Variants in SAXO1 observed in about 807,000 individuals in gnomAD.
SAXO1 encodes 4930500O09Rik.
A neutral mutation model predicts 17.5 loss-of-function variants in SAXO1; 21 were observed. That is an observed-to-expected ratio of 1.20 (90% CI 0.85 to 1.72). The LOEUF (loss-of-function observed/expected upper bound fraction) is 1.72. Ranked by LOEUF, SAXO1 falls within the 40% of genes most tolerant of loss-of-function variation. SAXO1 has a pLI of 0.00. For synonymous variants in SAXO1, 274 were observed against 216.5 expected (o/e 1.27, Z -2.33); for missense variants, 843 against 596.0 (o/e 1.41, Z -4.32).
chr9:19,033,719 A>T (rs1159987039), upstream of SAXO1, among the ~76,000 whole-genome samples: 1 of 152,230 alleles, frequency 6.6e-6, no homozygotes, highest in Non-Finnish European at 1.5e-5. Context: ...GATGCTGGTA[A>T]TGATGCCTTG....
At chr9:18,971,025 T>G (rs1461012279) in intron 1 of SAXO1, among the ~76,000 whole-genome samples, 1 of 151,992 alleles carries the variant, frequency 6.6e-6, no homozygotes, top group Non-Finnish European at 1.5e-5. Flanking sequence ...GATAAATGGG[T>G]TCCCTGGGTT....
chr9:19,038,829 T>C (rs1379885243), intron 1 of SAXO1, among the ~76,000 whole-genome samples: 1 of 152,008 alleles, frequency 6.6e-6, no homozygotes, highest in Non-Finnish European at 1.5e-5. Flanking sequence ...AGGCAAAGCC[T>C]TTAAAAAAAT....
intron 1 of SAXO1, among the ~76,000 whole-genome samples, chr9:19,018,178 A>C (rs186638003): frequency 1.3e-5 from 2 of 151,962 alleles, no homozygotes; most frequent in African/African-American, 4.8e-5. Context: ...AAAAAAAAAA[A>C]AACAAACAAA....
intron 1 of SAXO1, chr9:19,027,708 G>A: frequency 2.9e-6 from 4 of 1,377,642 alleles, no homozygotes; most frequent in East Asian, 2.3e-5. Flanking sequence ...GATGCCATAG[G>A]CACCAAGCAC....
intron 1 of SAXO1, among the ~76,000 whole-genome samples, chr9:19,003,179 C>T (rs2130964027): frequency 6.6e-6 from 1 of 152,288 alleles, no homozygotes; most frequent in Non-Finnish European, 1.5e-5. Context: ...AGGAATCCAA[C>T]TTACAAGGGA....
At chr9:18,938,818 G>A (rs531900598) in intron 3 of SAXO1, among the ~76,000 whole-genome samples, 16 of 111,698 alleles carry the variant, frequency 1.4e-4, no homozygotes, top group East Asian at 1.4e-3. Context: ...GCATGCGTGC[G>A]TGCGTGTGTG....
At chr9:18,987,022 C>G (rs976286446) in intron 1 of SAXO1, among the ~76,000 whole-genome samples, 2 of 152,126 alleles carry the variant, frequency 1.3e-5, no homozygotes, top group South Asian at 4.1e-4. Context: ...TCAGATGATT[C>G]CTTGGAACAA....
At chr9:19,030,749 T>G (rs968690248) in intron 1 of SAXO1, among the ~76,000 whole-genome samples, 13 of 151,604 alleles carry the variant, frequency 8.6e-5, no homozygotes, top group Non-Finnish European at 1.8e-4. Flanking sequence ...ATGTTCTGTT[T>G]GAGGGAGAGT....
At chr9:18,980,894 A>C (rs1833360948) in intron 1 of SAXO1, among the ~76,000 whole-genome samples, 1 of 151,102 alleles carries the variant, frequency 6.6e-6, no homozygotes, top group South Asian at 2.1e-4. Flanking sequence ...GTTACCTTCC[A>C]TTCTTTCCCA....
At chr9:18,930,588 C>T (rs1588393196) in intron 3 of SAXO1, among the ~76,000 whole-genome samples, 1 of 152,152 alleles carries the variant, frequency 6.6e-6, no homozygotes, top group African/African-American at 2.4e-5. Context: ...CAACCTCCAC[C>T]TCCCAGGTTC....
chr9:18,971,212 C>G (rs1832930440), intron 1 of SAXO1, among the ~76,000 whole-genome samples: 2 of 152,172 alleles, frequency 1.3e-5, no homozygotes, highest in African/African-American at 4.8e-5. Context: ...GACTTGGTAG[C>G]CAATGCCAAA....
intron 1 of SAXO1, among the ~76,000 whole-genome samples, chr9:19,040,920 C>T (rs937950547): frequency 6.6e-6 from 1 of 150,848 alleles, no homozygotes; most frequent in African/African-American, 2.4e-5. Flanking sequence ...TAAAATTATA[C>T]CTCAATAAAG....
chr9:18,963,269 G>C (rs114442712), intron 1 of SAXO1, among the ~76,000 whole-genome samples: 7 of 152,222 alleles, frequency 4.6e-5, no homozygotes, highest in Admixed American at 1.3e-4. Flanking sequence ...TTAGTTTTAG[G>C]ATTGTCTTGG....
intron 1 of SAXO1, among the ~76,000 whole-genome samples, chr9:19,001,335 T>C (rs935697261): frequency 2.6e-5 from 4 of 152,286 alleles, no homozygotes; most frequent in Admixed American, 1.3e-4. Flanking sequence ...TGCTCCTGAA[T>C]GGCTACTGGG....
chr9:19,000,302 G>A (rs997584200), intron 1 of SAXO1, among the ~76,000 whole-genome samples: 1 of 151,158 alleles, frequency 6.6e-6, no homozygotes. Flanking sequence ...CCCACCCTCT[G>A]GGAAGTGAGG....
chr9:18,990,180 T>A (rs1439741876), intron 1 of SAXO1, among the ~76,000 whole-genome samples: 2 of 152,052 alleles, frequency 1.3e-5, no homozygotes, highest in African/African-American at 2.4e-5. Context: ...TTTTTTTTTT[T>A]TTTCCTAACA....
At chr9:18,936,664 C>A (rs1831306216) in intron 3 of SAXO1, among the ~76,000 whole-genome samples, 1 of 152,206 alleles carries the variant, frequency 6.6e-6, no homozygotes, top group Non-Finnish European at 1.5e-5. Context: ...ACAAACTATT[C>A]ATATGCCAGT....
At chr9:19,023,184 G>A (rs966467509) in intron 1 of SAXO1, among the ~76,000 whole-genome samples, 9 of 127,838 alleles carry the variant, frequency 7.0e-5, no homozygotes, top group Non-Finnish European at 1.4e-4. Flanking sequence ...TCTCTGCAGG[G>A]CATTTTTTAT....
intron 1 of SAXO1, among the ~76,000 whole-genome samples, chr9:19,003,714 C>T (rs775822097): frequency 6.6e-6 from 1 of 152,178 alleles, no homozygotes; most frequent in Non-Finnish European, 1.5e-5. Flanking sequence ...AAACTGGACT[C>T]CTTCCTTACA....
Sources: gnomAD v4.1 joint callset for allele counts (sites outside exome capture counted in the v4.1 genomes callset) on GRCh38, gnomAD v4.1.1 for gene constraint, MANE v1.5 for transcripts, NCBI Gene and HGNC (gene_info 2026-07-23, HGNC 2026-07-21) for gene names.